The following FAM163A variants were observed in gnomAD, a reference collection of about 807,000 sequenced individuals.
FAM163A encodes the protein protein FAM163A.
In FAM163A, 7 loss-of-function variants were observed where a neutral mutation model predicts 12.0. The ratio of observed to expected loss-of-function variants is 0.58; its 90% CI spans 0.33 to 1.10. The LOEUF is 1.10. FAM163A is among the 50% of genes least tolerant of loss of function. FAM163A has a pLI of 0.03. For synonymous variants in FAM163A, 101 were observed against 91.0 expected, an observed-to-expected ratio of 1.11 and a Z score of -0.62; for missense variants, 202 against 218.6, an observed-to-expected ratio of 0.92 and a Z score of 0.48.
Position 179,814,490 on chromosome 1 carries a change from T to G in FAM163A, c.*301T>G. ...AGCACCACCACAACCCCTTGCAGTG[T>G]GCCCCAGTCCCCTGGATTCGCTGGA... is the stretch of plus-strand genomic sequence containing the variant. On this transcript the variant is annotated 3_prime_UTR_variant, in exon 5 of 5. Transcript: ENST00000341785. The G allele has an allele frequency of 2.8e-6, 1 of 353,686 alleles. No homozygotes were observed. The allele number at this position is 353,686 out of a possible 1,614,324, so 21.9% of individuals were successfully genotyped here. A position where few individuals can be genotyped will look rare whatever the true frequency, so the allele number is the denominator to read the frequency against.
chr1:179,790,218 CTTTTTT>C (rs1168192716), intron 1 of FAM163A, among the ~76,000 whole-genome samples: 72 of 91,672 alleles, frequency 7.9e-4, no homozygotes, highest in African/African-American at 3.3e-3. Flanking sequence ...AGCTGACTTC[CTTTTTT>C]TTTTTTTTTT....
At chr1:179,786,437 A>C (rs1206699678) in intron 1 of FAM163A, among the ~76,000 whole-genome samples, 1 of 152,208 alleles carries the variant, frequency 6.6e-6, no homozygotes, top group Non-Finnish European at 1.5e-5. Context: ...AGTGCCATGC[A>C]CAAAGTAAAA....
intron 1 of FAM163A, among the ~76,000 whole-genome samples, chr1:179,749,771 A>G (rs1685009348): frequency 6.6e-6 from 1 of 152,160 alleles, no homozygotes; most frequent in Non-Finnish European, 1.5e-5. Context: ...AGGCAGGAGA[A>G]TCGCTTGAAC....
At chr1:179,785,735 T>G (rs1690522329) in intron 1 of FAM163A, among the ~76,000 whole-genome samples, 1 of 152,230 alleles carries the variant, frequency 6.6e-6, no homozygotes, top group South Asian at 2.1e-4. Context: ...ATGTACACAT[T>G]TGTTTTGCTT....
At chr1:179,757,019 A>G (rs1407544058) in intron 1 of FAM163A, among the ~76,000 whole-genome samples, 8 of 152,240 alleles carry the variant, frequency 5.3e-5, no homozygotes, top group Admixed American at 4.6e-4. Flanking sequence ...AGTTTACGCA[A>G]ACATTAGAGA....
Position 179,813,155 on chromosome 1 carries a change from T to G in FAM163A, c.58T>G (p.Cys20Gly). 6.4e-7 allele frequency: 1 copy of G among 1,551,946 alleles called. No homozygotes were observed. Among genetic ancestry groups the G allele is most frequent in the Non-Finnish European group, 8.7e-7 (1 of 1,147,064 alleles). Residue 20 changes from cysteine (C) to glycine (G), a missense_variant, in exon 4 of 5, where the codon TGC (cysteine) becomes GGC (glycine). By Grantham distance (159) the Cys-to-Gly change is radical (BLOSUM62 -3). Transcript: ENST00000341785. ...GGILATVILLCIIAVLCYCRL... is the reference protein window; with the variant it reads ...GGILATVILLGIIAVLCYCRL... ...AATCCTAGCTACGGTGATCCTCCTC[T>G]GCATCATTGCCGTCCTGTGCTACTG...
At chr1:179,775,443 C>G (rs1474995531) in intron 1 of FAM163A, among the ~76,000 whole-genome samples, 1 of 152,216 alleles carries the variant, frequency 6.6e-6, no homozygotes, top group Non-Finnish European at 1.5e-5. Flanking sequence ...CCTTTTGTTA[C>G]TTAGGCATGG....
chr1:179,744,955 A>G (rs1684255842), intron 1 of FAM163A, among the ~76,000 whole-genome samples: 1 of 152,226 alleles, frequency 6.6e-6, no homozygotes, highest in African/African-American at 2.4e-5. Context: ...CTGAGGGGAA[A>G]GGCAGCTTTC....
intron 1 of FAM163A, among the ~76,000 whole-genome samples, chr1:179,768,122 T>G (rs554100240): frequency 6.6e-5 from 10 of 152,378 alleles, no homozygotes; most frequent in African/African-American, 2.4e-4. Context: ...GAATGGCTTA[T>G]TTCATTTAGC....
chr1:179,782,850 C>G (rs1235696783), intron 1 of FAM163A, among the ~76,000 whole-genome samples: 2 of 152,242 alleles, frequency 1.3e-5, no homozygotes, highest in Non-Finnish European at 2.9e-5. Flanking sequence ...CCTCCCACCC[C>G]TGGCTGGTGC....
chr1:179,748,449 T>C (rs1009245876), intron 1 of FAM163A, among the ~76,000 whole-genome samples: 1 of 152,188 alleles, frequency 6.6e-6, no homozygotes, highest in African/African-American at 2.4e-5. Context: ...TTACATAGTA[T>C]ACAAGTAGTG....
At chr1:179,806,073 T>A (rs1198587064) in intron 1 of FAM163A, among the ~76,000 whole-genome samples, 1 of 152,168 alleles carries the variant, frequency 6.6e-6, no homozygotes, top group Non-Finnish European at 1.5e-5. Context: ...GCAACACCTC[T>A]CACCATGGAA....
chr1:179,794,447 C>T (rs1691977284), intron 1 of FAM163A, among the ~76,000 whole-genome samples: 1 of 152,172 alleles, frequency 6.6e-6, no homozygotes, highest in Non-Finnish European at 1.5e-5. Context: ...GATGCACCCA[C>T]AGGTGTCTTG....
chr1:179,806,866 G>C (rs909890252), intron 1 of FAM163A, among the ~76,000 whole-genome samples: 1 of 152,154 alleles, frequency 6.6e-6, no homozygotes, highest in Non-Finnish European at 1.5e-5. Context: ...CACTTTGGGA[G>C]GCCAAGGCAG....
chr1:179,773,638 C>A (rs1688559877), intron 1 of FAM163A, among the ~76,000 whole-genome samples: 1 of 152,214 alleles, frequency 6.6e-6, no homozygotes, highest in South Asian at 2.1e-4. Flanking sequence ...CCGCTGTAAG[C>A]AGTCCAAGGT....
intron 1 of FAM163A, among the ~76,000 whole-genome samples, chr1:179,784,904 G>A (rs1275335541): frequency 6.6e-6 from 1 of 152,006 alleles, no homozygotes; most frequent in Non-Finnish European, 1.5e-5. Context: ...AATTATCTTG[G>A]GTAAACTGGA....
At chr1:179,771,099 TG>T (rs1688215782) in intron 1 of FAM163A, among the ~76,000 whole-genome samples, 1 of 152,164 alleles carries the variant, frequency 6.6e-6, no homozygotes, top group Non-Finnish European at 1.5e-5. Context: ...CACACTCTGC[TG>T]TTAGATCTTC....
intron 3 of FAM163A, among the ~76,000 whole-genome samples, chr1:179,812,525 A>G (rs1694837475): frequency 6.6e-6 from 1 of 152,166 alleles, no homozygotes; most frequent in Non-Finnish European, 1.5e-5. Flanking sequence ...GCCCGGGCCA[A>G]AGGCTCAGGG....
intron 1 of FAM163A, among the ~76,000 whole-genome samples, chr1:179,767,698 C>G (rs889755212): frequency 2.6e-5 from 4 of 152,188 alleles, no homozygotes. Context: ...GGTGCAGCTT[C>G]TCTCCCATCC....
Sources: allele counts gnomAD v4.1 joint callset (sites outside exome capture counted in the v4.1 genomes callset), GRCh38; gene constraint gnomAD v4.1.1; transcripts MANE v1.5; gene names NCBI Gene and HGNC (gene_info 2026-07-23, HGNC 2026-07-21).